Variants in TENM4 observed in about 807,000 individuals in gnomAD.
TENM4 encodes the protein teneurin-4.
In TENM4, 82 loss-of-function variants were observed where a neutral mutation model predicts 243.3. The observed-to-expected ratio is 0.34, with a 90% CI of 0.28 to 0.40. The LOEUF (loss-of-function observed/expected upper bound fraction) is 0.40, where lower values mean the gene tolerates loss of function less well. Ranked by LOEUF, TENM4 falls within the 10% of genes least tolerant of loss-of-function variation. The pLI, the probability that TENM4 is intolerant of heterozygous loss-of-function variation, is 1.00. For synonymous variants in TENM4, 1,412 were observed against 1,456.3 expected (o/e 0.97, Z 0.69); for missense variants, 3,138 against 3,673.3 (o/e 0.85, Z 3.77).
chr11:79,326,069 C>T (rs1055035375), intron 1 of TENM4, among the ~76,000 whole-genome samples: 6 of 152,230 alleles, frequency 3.9e-5, no homozygotes, highest in Non-Finnish European at 7.3e-5. Flanking sequence ...AAACGTGCGC[C>T]TTATCCCAGG....
Position 79,352,933 on chromosome 11 carries a change from G to A in TENM4, c.-320-55390C>T, listed in dbSNP as rs1857439042. Among the ~76,000 whole-genome samples, 3 of 152,050 alleles carry A rather than the reference G, an allele frequency of 2.0e-5. No homozygotes were observed. In the South Asian group the frequency reaches 6.2e-4, roughly 32 times the overall value. ...AGAGGTGAGCCGGAGAAAGAGGCAG[G>A]GGCAGAAAAATGACAGAGACAGGGA... On this transcript the variant is annotated intron_variant, in intron 1 of 33. Coordinates refer to ENST00000278550, the MANE Select transcript of TENM4 (RefSeq NM_001098816.3).
chr11:79,327,935 C>T (rs767259280), intron 1 of TENM4, among the ~76,000 whole-genome samples: 5 of 152,110 alleles, frequency 3.3e-5, no homozygotes, highest in South Asian at 2.1e-4. Flanking sequence ...GGAATAGATG[C>T]GTCAGTGCAC....
chr11:78,899,968 G>A (rs1464638051), intron 7 of TENM4, among the ~76,000 whole-genome samples: 2 of 152,208 alleles, frequency 1.3e-5, no homozygotes, highest in East Asian at 3.9e-4. Flanking sequence ...GACTGAGACA[G>A]AAGGGTACTG....
intron 1 of TENM4, among the ~76,000 whole-genome samples, chr11:79,412,007 C>A (rs936753357): frequency 6.6e-6 from 1 of 152,228 alleles, no homozygotes; most frequent in African/African-American, 2.4e-5. Flanking sequence ...TAGCAGAGCA[C>A]TGATGCTTGG....
In TENM4 at chr11:78,812,376, T is replaced by C. The variant is rs1857519005; in HGVS notation, c.1784-60A>G. On this transcript the variant is annotated intron_variant, in intron 13 of 33. Transcript: ENST00000278550. The stretch of plus-strand genomic sequence containing the variant: ...ATGTCCAGCACACCCCAACTGCCTT[T>C]GTCTCTTTCTCCTCCTGGCCTGCCT... 3 of 1,520,068 alleles carry C rather than the reference T, an allele frequency of 2.0e-6. No homozygotes were observed. In the East Asian group the frequency reaches 7.4e-5, roughly 38 times the overall value. 94.2% of individuals were successfully genotyped at this position (1,520,068 alleles called of 1,614,324 possible). A position where few individuals can be genotyped will look rare whatever the true frequency, so the allele number is the denominator to read the frequency against.
At chr11:78,814,489 T>C (rs1405992869) in intron 12 of TENM4, 94 bp from the exon 13 acceptor site, 1 of 1,026,724 alleles carries the variant, frequency 9.7e-7, no homozygotes, top group African/African-American at 1.7e-5. Flanking sequence ...AAGACCCACA[T>C]ATTTGAGCTC....
chr11:78,699,668 C>T (rs1316951897), intron 28 of TENM4, among the ~76,000 whole-genome samples: 6 of 152,202 alleles, frequency 3.9e-5, no homozygotes, highest in Admixed American at 2.0e-4. Context: ...AAAAACTTTT[C>T]CTTCTTCACT....
chr11:79,210,237 A>G (rs1238117334), intron 3 of TENM4, among the ~76,000 whole-genome samples: 2 of 152,196 alleles, frequency 1.3e-5, no homozygotes, highest in African/African-American at 4.8e-5. Flanking sequence ...GGGCCTGACC[A>G]TGTAATAATC....
chr11:78,893,780 TAC>T (rs368536086), intron 7 of TENM4, among the ~76,000 whole-genome samples: 4 of 142,662 alleles, frequency 2.8e-5, no homozygotes, highest in African/African-American at 1.1e-4. Context: ...GGACTTCACA[TAC>T]ACACACACAC....
At chr11:78,966,039 T>C (rs943098032) in intron 6 of TENM4, among the ~76,000 whole-genome samples, 9 of 152,140 alleles carry the variant, frequency 5.9e-5, no homozygotes, top group Non-Finnish European at 1.5e-5. Context: ...CAATCCAGCA[T>C]GTACCGGAGC....
intron 6 of TENM4, among the ~76,000 whole-genome samples, chr11:79,013,943 T>C (rs1285526118): frequency 6.6e-6 from 1 of 152,164 alleles, no homozygotes; most frequent in East Asian, 1.9e-4. Context: ...ACTCCCCATC[T>C]TATATTCCCG....
intron 2 of TENM4, among the ~76,000 whole-genome samples, chr11:79,252,308 C>G (rs1855625244): frequency 6.6e-6 from 1 of 152,212 alleles, no homozygotes; most frequent in Admixed American, 6.5e-5. Context: ...GATCTTGGCT[C>G]ACTGCAAGCT....
chr11:79,201,171 T>A (rs1590789529), intron 3 of TENM4, among the ~76,000 whole-genome samples: 1 of 152,236 alleles, frequency 6.6e-6, no homozygotes, highest in Non-Finnish European at 1.5e-5. Context: ...AAGTTTGGGC[T>A]TGGCCTCATG....
intron 3 of TENM4, among the ~76,000 whole-genome samples, chr11:79,161,794 G>T (rs1414939426): frequency 6.6e-6 from 1 of 152,190 alleles, no homozygotes; most frequent in African/African-American, 2.4e-5. Flanking sequence ...CCCATTGAAG[G>T]GTTTGCAGTA....
At chr11:79,299,413 C>T (rs1267789233) in intron 1 of TENM4, among the ~76,000 whole-genome samples, 2 of 152,200 alleles carry the variant, frequency 1.3e-5, no homozygotes, top group South Asian at 2.1e-4. Flanking sequence ...GTTTCTGTCC[C>T]CATCCTCAGA....
At chr11:79,137,751 G>T (rs1862139124) in intron 4 of TENM4, among the ~76,000 whole-genome samples, 1 of 152,186 alleles carries the variant, frequency 6.6e-6, no homozygotes, top group Admixed American at 6.5e-5. Flanking sequence ...CAACATTTAA[G>T]TGTTGTTAAC....
In TENM4 at chr11:78,805,282, C is replaced by CCCCCCCCCCCCCCCCCCCCCCAAGT; in HGVS notation, c.2179+9_2179+10insACTTGGGGGGGGGGGGGGGGGGGGG. 1 of 995,568 alleles carries CCCCCCCCCCCCCCCCCCCCCCAAGT rather than the reference C, an allele frequency of 1.0e-6. No homozygotes were observed. The highest frequency in any genetic ancestry group is 5.3e-5 in the East Asian group (1 of 19,014). 61.7% of individuals were successfully genotyped at this position (995,568 alleles called of 1,614,324 possible). A position where few individuals can be genotyped will look rare whatever the true frequency, so the allele number is the denominator to read the frequency against. On this transcript the variant is annotated intron_variant, in intron 15 of 33. Coordinates refer to ENST00000278550, the MANE Select transcript of TENM4 (RefSeq NM_001098816.3). ...CCCTCTACCCATGCTTCTTCTCCCCCTGCATTTACCGATAGAACAGTCGTG... is the reference window on the plus strand; with the variant it reads ...CCCTCTACCCATGCTTCTTCTCCCCCCCCCCCCCCCCCCCCCCCCCCAAGTTGCATTTACCGATAGAACAGTCGTG...
At chr11:78,731,552 C>G (rs879332940) in intron 21 of TENM4, among the ~76,000 whole-genome samples, 13 of 152,230 alleles carry the variant, frequency 8.5e-5, no homozygotes, top group Non-Finnish European at 1.6e-4. Flanking sequence ...ACAACCGGGA[C>G]TTCTCCTGGG....
chr11:78,941,052 C>T (rs1031143372), intron 6 of TENM4, among the ~76,000 whole-genome samples: 1 of 152,212 alleles, frequency 6.6e-6, no homozygotes, highest in African/African-American at 2.4e-5. Context: ...AATGCCCAGG[C>T]AGGCATGTCC....
Sources: gnomAD v4.1 joint callset for allele counts (sites outside exome capture counted in the v4.1 genomes callset) on GRCh38, gnomAD v4.1.1 for gene constraint, MANE v1.5 for transcripts, NCBI Gene and HGNC (gene_info 2026-07-23, HGNC 2026-07-21) for gene names.